Variants in EEF2K observed in about 807,000 individuals in gnomAD.
EEF2K encodes eukaryotic elongation factor 2 kinase, also known as alternative protein EEF2K.
A neutral mutation model predicts 93.8 loss-of-function variants in EEF2K; 70 were observed. The ratio of observed to expected loss-of-function variants is 0.75; its 90% CI spans 0.62 to 0.91. The LOEUF (loss-of-function observed/expected upper bound fraction) is 0.91, where lower values mean the gene tolerates loss of function less well. Ranked by LOEUF, EEF2K falls within the 40% of genes least tolerant of loss-of-function variation. EEF2K has a pLI of 0.00. For synonymous variants in EEF2K, 376 were observed against 380.8 expected, an observed-to-expected ratio of 0.99 and a Z score of 0.15; for missense variants, 935 against 972.9, an observed-to-expected ratio of 0.96 and a Z score of 0.52.
intron 4 of EEF2K, among the ~76,000 whole-genome samples, chr16:22,249,784 ATTT>A (rs879736735): frequency 7.6e-5 from 11 of 143,952 alleles, no homozygotes; most frequent in Non-Finnish European, 1.5e-4. Flanking sequence ...ATTTTTAAAA[ATTT>A]TTTTTTTTTT....
intron 1 of EEF2K, among the ~76,000 whole-genome samples, chr16:22,218,578 G>A (rs1170860087): frequency 4.6e-5 from 7 of 152,174 alleles, no homozygotes; most frequent in African/African-American, 1.2e-4. Flanking sequence ...GGTTTCCGTC[G>A]CCAGAGACTG....
chr16:22,270,108 C>T (rs1010865916), intron 15 of EEF2K, among the ~76,000 whole-genome samples: 17 of 151,844 alleles, frequency 1.1e-4, no homozygotes, highest in Admixed American at 9.9e-4. Flanking sequence ...AGGTGCCTGC[C>T]ACCAAACCCG....
chr16:22,245,453 G>T (rs2047278784), intron 3 of EEF2K, among the ~76,000 whole-genome samples: 1 of 151,914 alleles, frequency 6.6e-6, no homozygotes, highest in Admixed American at 6.6e-5. Flanking sequence ...TGAGCCTAGG[G>T]GAGGTTAACC....
At position 22,240,276 on chromosome 16, in the gene EEF2K, GATT is replaced by G. The variant is rs2047209226; in HGVS notation, c.247-4348_247-4346del. 2.0e-5 allele frequency among the ~76,000 whole-genome samples: 3 copies of G among 152,102 alleles called. No homozygotes were observed. In the South Asian group the frequency reaches 6.2e-4, roughly 31 times the overall value. ...TCAATAACAAAAAAGTTATACAGTAGATTATTATGCAACTATTAAAGCAGGATG... is the reference window on the plus strand; with the variant it reads ...TCAATAACAAAAAAGTTATACAGTAGATTATGCAACTATTAAAGCAGGATG... On this transcript the variant is annotated intron_variant, in intron 2 of 17. Transcript: ENST00000263026.
At chr16:22,232,515 C>T (rs948383172) in intron 2 of EEF2K, among the ~76,000 whole-genome samples, 5 of 152,166 alleles carry the variant, frequency 3.3e-5, no homozygotes, top group East Asian at 1.9e-4. Context: ...CAAGCATAAG[C>T]GATTGAGCCT....
At position 22,258,610 on chromosome 16, in the gene EEF2K, C is replaced by G. The variant is rs187968648; in HGVS notation, c.1146C>G (p.Asp382Glu). Residue 382 changes from aspartate to glutamate, a missense_variant, in exon 10 of 18, where the codon GAC becomes GAG. Transcript: ENST00000263026. ...LLRPLSENSG[D>E]ENMSDVTFDS... ...GTCCCCTTTCAGAGAACTCTGGAGA[C>G]GAGAACATGAGCGACGTGACCTTCG... The G allele has an allele frequency of 3.0e-5, 49 of 1,614,020 alleles. No homozygotes were observed. Among genetic ancestry groups the G allele is most frequent in the Non-Finnish European group, 3.7e-5 (44 of 1,180,032 alleles).
chr16:22,266,148 G>A (rs2047515231), intron 13 of EEF2K, among the ~76,000 whole-genome samples: 1 of 152,052 alleles, frequency 6.6e-6, no homozygotes, highest in South Asian at 2.1e-4. Context: ...CTTGAACCTG[G>A]GAGGTGGAGG....
In EEF2K at chr16:22,284,240, T is replaced by TA; in HGVS notation, c.*246dup. 2.1e-6 allele frequency: 1 copy of TA among 480,454 alleles called. No homozygotes were observed. The highest frequency in any genetic ancestry group is 3.3e-5 in the Admixed American group (1 of 29,928). The allele number at this position is 480,454 out of a possible 1,614,324, so 29.8% of individuals were successfully genotyped here. Reference sequence around the variant, plus strand: ...GGAAGTGGGGCTTGAAGAAGCAGCCTAATGAACCAACATACCGTTTTGTGT... The same window carrying TA: ...GGAAGTGGGGCTTGAAGAAGCAGCCTAAATGAACCAACATACCGTTTTGTGT... On this transcript the variant is annotated 3_prime_UTR_variant, in exon 18 of 18. Coordinates refer to ENST00000263026, the MANE Select transcript of EEF2K (RefSeq NM_013302.5).
At chr16:22,265,690 G>T (rs982904344) in intron 13 of EEF2K, among the ~76,000 whole-genome samples, 1 of 152,254 alleles carries the variant, frequency 6.6e-6, no homozygotes, top group South Asian at 2.1e-4. Flanking sequence ...CCTGTGCATT[G>T]CAAGATGTTT....
chr16:22,206,895 G>T (rs575517415), intron 1 of EEF2K, among the ~76,000 whole-genome samples: 1 of 152,198 alleles, frequency 6.6e-6, no homozygotes, highest in Non-Finnish European at 1.5e-5. Context: ...GAAGTTGTGC[G>T]GATTAAAGGC....
rs778974609 is a variant in EEF2K at position 22,225,843 on chromosome 16, C to T, written c.114C>T (p.Phe38=). 1.2e-6 allele frequency: 2 copies of T among 1,614,114 alleles called. No homozygotes were observed. Among genetic ancestry groups the T allele is most frequent in the African/African-American group, 1.3e-5 (1 of 74,944 alleles). Residue 38 remains phenylalanine (F), a synonymous_variant, in exon 2 of 18, where the codon TTC becomes TTT. Coordinates refer to ENST00000263026, the MANE Select transcript of EEF2K (RefSeq NM_013302.5). ...ACAGCGACGATGAGGAAGGTTACTTCATCTGCCCCATCACGGATGACCCAA... is the reference window on the plus strand; with the variant it reads ...ACAGCGACGATGAGGAAGGTTACTTTATCTGCCCCATCACGGATGACCCAA... ...DGDSDDEEGY[F]ICPITDDPSS...
At chr16:22,249,541 C>T (rs924368832) in intron 4 of EEF2K, among the ~76,000 whole-genome samples, 1 of 152,144 alleles carries the variant, frequency 6.6e-6, no homozygotes, top group Admixed American at 6.6e-5. Context: ...GTAAGCACCC[C>T]TCTGAATTCT....
intron 1 of EEF2K, among the ~76,000 whole-genome samples, chr16:22,220,434 C>G (rs1461023847): frequency 7.0e-6 from 1 of 142,208 alleles, no homozygotes; most frequent in African/African-American, 2.7e-5. Context: ...GATCCTGAAT[C>G]TGAGCGTGCT....
chr16:22,223,834 G>A (rs1439955159), intron 1 of EEF2K, among the ~76,000 whole-genome samples: 1 of 152,112 alleles, frequency 6.6e-6, no homozygotes, highest in Non-Finnish European at 1.5e-5. Context: ...GAGAAATACT[G>A]TAATCTGTAT....
At chr16:22,257,141 C>A in intron 7 of EEF2K, 112 bp from the exon 8 acceptor site, 2 of 1,549,168 alleles carry the variant, frequency 1.3e-6, no homozygotes, top group Non-Finnish European at 1.7e-6. Flanking sequence ...GTCTTTTCCT[C>A]TATATAACTC....
chr16:22,251,311 C>G lies in EEF2K; in HGVS notation c.607C>G (p.Pro203Ala). 3.1e-6 allele frequency: 5 copies of G among 1,613,904 alleles called. No homozygotes were observed. Among genetic ancestry groups the G allele is most frequent in the Non-Finnish European group, 4.2e-6 (5 of 1,179,918 alleles). ...LWGEEYNRHK[P>A]PKQVDIMQMC... ...GGGGGAGGAGTATAATCGGCACAAG[C>G]CCCCCAAGCAGGTGCGTGGCCCCAC... Residue 203 changes from proline to alanine, a missense_variant, in exon 6 of 18, where the codon CCC (proline) becomes GCC (alanine). Pro to Ala is a conservative substitution (Grantham distance 27). Coordinates refer to ENST00000263026, the MANE Select transcript of EEF2K (RefSeq NM_013302.5).
chr16:22,280,496 G>T, intron 17 of EEF2K, 120 bp downstream of exon 17: 1 of 1,113,486 alleles, frequency 9.0e-7, no homozygotes. Context: ...TCCAGGGAGG[G>T]GAATTTATGG....
At chr16:22,256,656 G>A in intron 6 of EEF2K, 92 bp from the exon 7 acceptor site, 7 of 1,470,298 alleles carry the variant, frequency 4.8e-6, no homozygotes, top group Non-Finnish European at 6.3e-6. Context: ...TCTGAGCCCA[G>A]GCAGGCGAGT....
chr16:22,287,993 T>A lies in EEF2K; in HGVS notation c.*3997T>A, dbSNP rs1475900694. The A allele has an allele frequency of 9.1e-6, 1 of 109,552 alleles. No homozygotes were observed. The highest frequency in any genetic ancestry group is 6.1e-5 in the African/African-American group (1 of 16,430). The allele number at this position is 109,552 out of a possible 1,614,324, so 6.8% of individuals were successfully genotyped here. On this transcript the variant is annotated 3_prime_UTR_variant, in exon 18 of 18. Coordinates refer to ENST00000263026, the MANE Select transcript of EEF2K (RefSeq NM_013302.5). ...TGCACCATCACATCTGGCTAATTTT[T>A]TTTTTTTTTTTTTTGAGGTGGAGTC...
Sources: allele counts gnomAD v4.1 joint callset (sites outside exome capture counted in the v4.1 genomes callset), GRCh38; gene constraint gnomAD v4.1.1; transcripts MANE v1.5; gene names NCBI Gene and HGNC (gene_info 2026-07-23, HGNC 2026-07-21).